The following ZNF75A variants were observed in gnomAD, a reference collection of about 807,000 sequenced individuals.
ZNF75A encodes the protein zinc finger protein 75A.
Under a neutral mutation model 46.3 loss-of-function variants are expected in ZNF75A, and 36 were observed. That is an observed-to-expected ratio of 0.78 (90% CI 0.60 to 1.03). The LOEUF (loss-of-function observed/expected upper bound fraction) is 1.03. Among genes scored for constraint, ZNF75A ranks in the 50% least tolerant of loss-of-function variants. ZNF75A has a pLI of 0.00. For synonymous variants in ZNF75A, 234 were observed against 189.9 expected, an observed-to-expected ratio of 1.23 and a Z score of -1.91; for missense variants, 595 against 551.3, an observed-to-expected ratio of 1.08 and a Z score of -0.79.
rs774563730 is a variant in ZNF75A at position 3,314,911 on chromosome 16, A to G, written c.823+1736A>G. ...CTTCTTTTTGTGTAGAAGTTGAGCA[A>G]TCTGTTCTCAGTTTACTGAGAATGA... On this transcript the variant is annotated intron_variant, in intron 5 of 6. Coordinates refer to ENST00000669516, the MANE Select transcript of ZNF75A (RefSeq NM_001302109.2). The G allele has an allele frequency of 1.4e-5, 14 of 985,214 alleles. No individual in the cohort carries two copies. The African/African-American group carries it at 2.3e-4, about 16-fold the overall frequency. The allele number at this position is 985,214 out of a possible 1,614,324, so 61.0% of individuals were successfully genotyped here.
chr16:3,305,754 C>T (rs1306258958), intron 1 of ZNF75A, 111 bp downstream of exon 1: 6 of 152,396 alleles, frequency 3.9e-5, no homozygotes, highest in South Asian at 4.1e-4. Context: ...GCTTCCGGGC[C>T]GCGCGGCTGG....
chr16:3,322,449 T>G (rs972841406), downstream of ZNF75A, among the ~76,000 whole-genome samples: 5 of 152,352 alleles, frequency 3.3e-5, no homozygotes, highest in African/African-American at 1.2e-4. Flanking sequence ...GTAAGGCTTT[T>G]CTCCTGTACG....
At chr16:3,323,316 C>A, downstream of ZNF75A, 1 of 1,066,824 alleles carries the variant, frequency 9.4e-7, no homozygotes, top group South Asian at 1.2e-5. Flanking sequence ...GCAAAAGAAC[C>A]ATGAGATCTC....
At chr16:3,319,819 T>C (rs1283403034), downstream of ZNF75A, among the ~76,000 whole-genome samples, 1 of 150,778 alleles carries the variant, frequency 6.6e-6, no homozygotes, top group Non-Finnish European at 1.5e-5. Context: ...ATTTTTTTGC[T>C]GGTACAAGGC....
rs1960479741 is a variant in ZNF75A, at chr16:3,308,772, G to A, written c.344G>A (p.Ser115Asn). ...QTQMQKHHPQ[S>N]IEEAVALVEH... is the part of the protein sequence containing the mutation. ...CAGATGCAGAAGCACCATCCACAGA[G>A]CATTGAGGAGGCTGTGGCTCTGGTA... The change falls in exon 2 of 7, where the codon AGC becomes AAC. Residue 115 changes from serine (S) to asparagine (N), a missense_variant. Physicochemically the swap from Ser to Asn is conservative, Grantham distance 46. Transcript: ENST00000669516. 1 of 986,926 alleles carries A rather than the reference G, an allele frequency of 1.0e-6. No individual in the cohort carries two copies. The highest frequency in any genetic ancestry group is 1.2e-6 in the Non-Finnish European group (1 of 830,282). 61.1% of individuals were successfully genotyped at this position (986,926 alleles called of 1,614,324 possible).
intron 4 of ZNF75A, 123 bp downstream of exon 4, chr16:3,312,891 G>A (rs1960917023): frequency 1.7e-6 from 2 of 1,202,984 alleles, no homozygotes; most frequent in South Asian, 1.6e-5. Flanking sequence ...GTACCTCCCA[G>A]GCTGTGGGCT....
At chr16:3,319,454 C>G (rs1961441129), downstream of ZNF75A, among the ~76,000 whole-genome samples, 1 of 152,182 alleles carries the variant, frequency 6.6e-6, no homozygotes. Context: ...CTCTGGAGCT[C>G]TGGTCTACAT....
At chr16:3,311,301 G>C (rs1960769430) in intron 2 of ZNF75A, among the ~76,000 whole-genome samples, 1 of 152,104 alleles carries the variant, frequency 6.6e-6, no homozygotes. Flanking sequence ...AGCCAGGCGT[G>C]GTGGTGCATA....
downstream of ZNF75A, among the ~76,000 whole-genome samples, chr16:3,319,170 A>G (rs1200018106): frequency 6.6e-6 from 1 of 151,948 alleles, no homozygotes; most frequent in African/African-American, 2.4e-5. Context: ...CTGGAGTGCA[A>G]TGGTGTGATC....
At chr16:3,319,783 AT>A (rs55767869), downstream of ZNF75A, among the ~76,000 whole-genome samples, 77 of 133,304 alleles carry the variant, frequency 5.8e-4, no homozygotes, top group African/African-American at 1.7e-3. Context: ...GAAGCTTTTC[AT>A]TTTTTTTTTT....
intron 2 of ZNF75A, 36 bp downstream of exon 2, chr16:3,308,872 A>C (rs1176075294): frequency 4.1e-6 from 4 of 983,040 alleles, no homozygotes; most frequent in Non-Finnish European, 4.8e-6. Context: ...ACAGTGAAAT[A>C]GGATGCAGGT....
At chr16:3,321,813 A>G (rs1313592851), downstream of ZNF75A, among the ~76,000 whole-genome samples, 1 of 152,186 alleles carries the variant, frequency 6.6e-6, no homozygotes, top group East Asian at 1.9e-4. Context: ...GGGGCTTAGA[A>G]TCAAAGTAAA....
intron 5 of ZNF75A, 50 bp downstream of exon 5, chr16:3,313,225 T>G: frequency 6.3e-7 from 1 of 1,589,134 alleles, no homozygotes; most frequent in Non-Finnish European, 8.6e-7. Context: ...ATTCTTGGCT[T>G]ACTGAGAAGG....
chr16:3,318,840 T>C lies in ZNF75A; in HGVS notation c.*971T>C, dbSNP rs1320275575. On this transcript the variant is annotated 3_prime_UTR_variant, in exon 7 of 7. Transcript: ENST00000669516. ...GGAGACGGTTCCCTAAATAAAAGAT[T>C]TGGGCACTGGTGCTAAGTGTTGGGC... The C allele has an allele frequency of 1.0e-6, 1 of 985,430 alleles. No individual in the cohort carries two copies. The highest frequency in any genetic ancestry group is 1.2e-6 in the Non-Finnish European group (1 of 829,932). The allele number at this position is 985,430 out of a possible 1,614,324, so 61.0% of individuals were successfully genotyped here. A position where few individuals can be genotyped will look rare whatever the true frequency, so the allele number is the denominator to read the frequency against.
At chr16:3,308,933 A>C in intron 2 of ZNF75A, 97 bp downstream of exon 2, 1 of 807,336 alleles carries the variant, frequency 1.2e-6, no homozygotes, top group South Asian at 5.6e-5. Context: ...TGGATTAGGT[A>C]GGTCATTGTT....
chr16:3,305,946 AG>A (rs1306365136), intron 1 of ZNF75A: 7 of 152,260 alleles, frequency 4.6e-5, no homozygotes, highest in Admixed American at 2.0e-4. Context: ...CAGTGCCTGC[AG>A]CTGCGCCCGC....
intron 5 of ZNF75A, among the ~76,000 whole-genome samples, chr16:3,315,319 G>A (rs1252538387): frequency 6.6e-6 from 1 of 150,832 alleles, no homozygotes; most frequent in South Asian, 2.1e-4. Flanking sequence ...AGCCTCCCAA[G>A]TAGCTGAGAC....
chr16:3,314,625 T>A lies in ZNF75A; in HGVS notation c.823+1450T>A. The A allele has an allele frequency of 3.1e-6, 3 of 981,594 alleles. No individual in the cohort carries two copies. In the South Asian group the frequency reaches 1.4e-4, roughly 46 times the overall value. 60.8% of individuals were successfully genotyped at this position (981,594 alleles called of 1,614,324 possible). A position where few individuals can be genotyped will look rare whatever the true frequency, so the allele number is the denominator to read the frequency against. On this transcript the variant is annotated intron_variant, in intron 5 of 6. Coordinates refer to ENST00000669516, the MANE Select transcript of ZNF75A (RefSeq NM_001302109.2). ...CCTTCGCCCCCGTGGGCCCCCGCCT[T>A]TTTTTTTCTTAAATCGTATTCTGTT...
downstream of ZNF75A, among the ~76,000 whole-genome samples, chr16:3,322,660 C>G (rs1277176538): frequency 6.6e-6 from 1 of 152,170 alleles, no homozygotes; most frequent in African/African-American, 2.4e-5. Context: ...CATTAAAAAT[C>G]AAGCTTTACA....
Sources: allele counts gnomAD v4.1 joint callset (sites outside exome capture counted in the v4.1 genomes callset), GRCh38; gene constraint gnomAD v4.1.1; transcripts MANE v1.5; gene names NCBI Gene and HGNC (gene_info 2026-07-23, HGNC 2026-07-21).